The following ZNF678 variants were observed in gnomAD, a reference collection of about 807,000 sequenced individuals.
ZNF678 encodes zinc finger protein 678, also known as hypothetical protein MGC42493.
A neutral mutation model predicts 3.0 loss-of-function variants in ZNF678; 5 were observed. The ratio of observed to expected loss-of-function variants is 1.69; its 90% CI spans 0.88 to 3.56. The LOEUF (loss-of-function observed/expected upper bound fraction) is 3.56. ZNF678 is among the 30% of genes most tolerant of loss of function. The probability of loss-of-function intolerance (pLI) is 0.00; values close to 1 mark genes in which losing one functional copy is unlikely to be tolerated. For missense variants in ZNF678, 593 were observed against 605.0 expected, an observed-to-expected ratio of 0.98 and a Z score of 0.21; for synonymous variants, 218 against 199.6, an observed-to-expected ratio of 1.09 and a Z score of -0.78.
chr1:227,627,231 G>A (rs1272621056), intron 1 of ZNF678, among the ~76,000 whole-genome samples: 1 of 151,778 alleles, frequency 6.6e-6, no homozygotes, highest in Admixed American at 6.6e-5. Context: ...GTTTGGTGAA[G>A]GGTTTTAAGT....
intron 1 of ZNF678, among the ~76,000 whole-genome samples, chr1:227,595,062 G>A (rs1383374277): frequency 6.6e-6 from 1 of 152,030 alleles, no homozygotes; most frequent in Non-Finnish European, 1.5e-5. Context: ...ACAACAAAGT[G>A]GTATTGGAGT....
chr1:227,652,476 C>G (rs977383899), intron 3 of ZNF678, among the ~76,000 whole-genome samples: 1 of 152,066 alleles, frequency 6.6e-6, no homozygotes, highest in African/African-American at 2.4e-5. Context: ...TAATTACTTA[C>G]TATTGTCATT....
At chr1:227,601,791 C>T (rs1356985875) in intron 1 of ZNF678, among the ~76,000 whole-genome samples, 2 of 152,044 alleles carry the variant, frequency 1.3e-5, no homozygotes, top group African/African-American at 2.4e-5. Flanking sequence ...TCTTGAACTT[C>T]TGACCTCGTG....
intron 1 of ZNF678, among the ~76,000 whole-genome samples, chr1:227,637,410 T>G (rs987267278): frequency 6.6e-6 from 1 of 152,068 alleles, no homozygotes; most frequent in Non-Finnish European, 1.5e-5. Flanking sequence ...CATGGAGAGA[T>G]AGTTTTAGGC....
chr1:227,633,875 T>C (rs538713343), intron 1 of ZNF678, among the ~76,000 whole-genome samples: 1 of 152,292 alleles, frequency 6.6e-6, no homozygotes, highest in Non-Finnish European at 1.5e-5. Flanking sequence ...CATGGCCCAC[T>C]GATACATGAG....
rs536402178 is a variant in ZNF678, at chr1:227,594,354, T to G, written c.-164+30630T>G. Among the ~76,000 whole-genome samples, 371 of 152,332 alleles carry G rather than the reference T, an allele frequency of 2.4e-3. 3 individuals are homozygous for G. The highest frequency in any genetic ancestry group is 8.6e-3 in the African/African-American group (359 of 41,578). ...AGACGTATTTATCCAATTGTTAATGTTTGACCATAAGGTAAGATTTTATGG... is the reference window on the plus strand; with the variant it reads ...AGACGTATTTATCCAATTGTTAATGGTTGACCATAAGGTAAGATTTTATGG... On this transcript the variant is annotated intron_variant, in intron 1 of 3. Transcript: ENST00000343776.
chr1:227,646,006 T>A (rs1658946940), intron 1 of ZNF678, among the ~76,000 whole-genome samples: 1 of 152,256 alleles, frequency 6.6e-6, no homozygotes, highest in Admixed American at 6.5e-5. Context: ...AAATGAAGGC[T>A]CTTGTTTAAT....
At chr1:227,615,636 T>C (rs1337333031) in intron 1 of ZNF678, among the ~76,000 whole-genome samples, 3 of 152,214 alleles carry the variant, frequency 2.0e-5, no homozygotes, top group African/African-American at 4.8e-5. Context: ...CAAGACCCAG[T>C]GTACTTACAG....
chr1:227,622,110 G>A (rs1018881952), intron 1 of ZNF678, among the ~76,000 whole-genome samples: 3 of 152,138 alleles, frequency 2.0e-5, no homozygotes, highest in Admixed American at 6.5e-5. Context: ...GTCTTTTCTG[G>A]AAAGTCTGAC....
chr1:227,599,190 T>C, intron 1 of ZNF678: 1 of 1,074,352 alleles, frequency 9.3e-7, no homozygotes, highest in Admixed American at 1.9e-5. Context: ...ATAACCTTTG[T>C]TAAATTTAAC....
At chr1:227,597,710 GACA>G (rs1419207632) in intron 1 of ZNF678, among the ~76,000 whole-genome samples, 1 of 152,098 alleles carries the variant, frequency 6.6e-6, no homozygotes, top group Non-Finnish European at 1.5e-5. Flanking sequence ...ATATTGGCAT[GACA>G]ACAGGCTGAA....
chr1:227,638,789 T>C lies in ZNF678; in HGVS notation c.-163-7755T>C, dbSNP rs751256159. On this transcript the variant is annotated intron_variant, in intron 1 of 3. Transcript: ENST00000343776. This position sits in a 1 kb window ranked among gnomAD's most constrained non-coding sequence, Gnocchi z 4.2. ...AGAGTGAGTGAAGGAAAAGGTTACG[T>C]GTAGGGAGCAGAAGAGTGGAGCAGG... Among the ~76,000 whole-genome samples the C allele has an allele frequency of 6.6e-6, 1 of 151,808 alleles. No homozygotes were observed. The highest frequency in any genetic ancestry group is 1.5e-5 in the Non-Finnish European group (1 of 67,936).
intron 1 of ZNF678, among the ~76,000 whole-genome samples, chr1:227,583,330 A>C (rs1472690424): frequency 6.6e-6 from 1 of 151,636 alleles, no homozygotes; most frequent in African/African-American, 2.4e-5. Context: ...CATTTTAGAA[A>C]ATTTCTTTTT....
intron 1 of ZNF678, among the ~76,000 whole-genome samples, chr1:227,572,208 C>G (rs1250612323): frequency 2.0e-5 from 3 of 152,244 alleles, no homozygotes. Flanking sequence ...AAAGAAAGGA[C>G]AGCCCCATGA....
chr1:227,652,999 T>C (rs1659126241), intron 3 of ZNF678, among the ~76,000 whole-genome samples: 1 of 151,742 alleles, frequency 6.6e-6, no homozygotes, highest in Non-Finnish European at 1.5e-5. Flanking sequence ...CTTCATCTTC[T>C]CTTAATTGTG....
chr1:227,580,898 C>T (rs951351083), intron 1 of ZNF678, among the ~76,000 whole-genome samples: 14 of 151,130 alleles, frequency 9.3e-5, no homozygotes, highest in African/African-American at 3.4e-4. Flanking sequence ...CCTTTGCACT[C>T]CAGCCTCAAG....
chr1:227,670,970 T>TA (rs760239191), intron 5 of ZNF678, among the ~76,000 whole-genome samples: 8 of 149,988 alleles, frequency 5.3e-5, no homozygotes, highest in African/African-American at 1.5e-4. Context: ...GCCTTTTATT[T>TA]TTTTTTTTTT....
downstream of ZNF678, among the ~76,000 whole-genome samples, chr1:227,666,238 T>G (rs1659502236): frequency 6.6e-6 from 1 of 152,208 alleles, no homozygotes; most frequent in Non-Finnish European, 1.5e-5. Context: ...ATAATTGTGC[T>G]AGACTGATTA....
rs1294528204 is a variant in ZNF678 at position 227,661,644 on chromosome 1, G to A, written c.*5816G>A. The A allele has an allele frequency of 6.6e-6, 1 of 152,166 alleles. No homozygotes were observed. Among genetic ancestry groups the A allele is most frequent in the Non-Finnish European group, 1.5e-5 (1 of 68,052 alleles). The allele number at this position is 152,166 out of a possible 1,614,324, so 9.4% of individuals were successfully genotyped here. A position where few individuals can be genotyped will look rare whatever the true frequency, so the allele number is the denominator to read the frequency against. ...TTTCACCCATTTTGAGAGAAGAAAA[G>A]TTCAGCTCAGAGAGCTGCAGGAACA... On this transcript the variant is annotated 3_prime_UTR_variant, in exon 4 of 4. Transcript: ENST00000343776.
Sources: gnomAD v4.1 joint callset for allele counts (sites outside exome capture counted in the v4.1 genomes callset) on GRCh38, gnomAD v4.1.1 for gene constraint, Gnocchi (gnomAD v3.1) non-coding constraint, MANE v1.5 for transcripts, NCBI Gene and HGNC (gene_info 2026-07-23, HGNC 2026-07-21) for gene names.